The following PREX2 variants were observed in gnomAD, a reference collection of about 807,000 sequenced individuals.
PREX2 encodes the protein phosphatidylinositol 3,4,5-trisphosphate-dependent Rac exchanger 2 protein.
Under a neutral mutation model 203.2 loss-of-function variants are expected in PREX2, and 107 were observed. The observed-to-expected ratio is 0.53, with a 90% CI of 0.45 to 0.62. The LOEUF is 0.62. Among genes scored for constraint, PREX2 ranks in the 20% least tolerant of loss-of-function variants. The pLI, the probability that PREX2 is intolerant of heterozygous loss-of-function variation, is 0.00. For synonymous variants in PREX2, 672 were observed against 663.6 expected (o/e 1.01, Z -0.19); for missense variants, 1,777 against 1,955.9 (o/e 0.91, Z 1.72).
chr8:68,096,101 A>G (rs527758064), intron 21 of PREX2, among the ~76,000 whole-genome samples: 12 of 152,314 alleles, frequency 7.9e-5, no homozygotes, highest in South Asian at 4.1e-4. Context: ...TAAGGTTGTT[A>G]TGGTAATACA....
chr8:68,127,275 A>C (rs1030283434), intron 30 of PREX2, 103 bp from the exon 31 acceptor site: 1 of 860,706 alleles, frequency 1.2e-6, no homozygotes, highest in African/African-American at 1.7e-5. Context: ...TTTTGCATGA[A>C]CCTAGTCCAA....
chr8:68,056,070 C>T, intron 10 of PREX2, 96 bp downstream of exon 10: 3 of 1,294,392 alleles, frequency 2.3e-6, no homozygotes, highest in Non-Finnish European at 2.1e-6. Context: ...AAAATATTCC[C>T]TTAGGCACTT....
chr8:68,089,314 A>C (rs1809796140), intron 19 of PREX2, among the ~76,000 whole-genome samples: 1 of 152,076 alleles, frequency 6.6e-6, no homozygotes, highest in African/African-American at 2.4e-5. Context: ...GTCCTTGATC[A>C]GTTTTTTTTG....
chr8:68,072,874 T>A (rs1809239916), intron 14 of PREX2, among the ~76,000 whole-genome samples: 1 of 152,152 alleles, frequency 6.6e-6, no homozygotes, highest in Admixed American at 6.5e-5. Context: ...ACTAAAATAT[T>A]TTTATGTTTT....
At chr8:68,083,157 CTT>C (rs1249759665) in intron 17 of PREX2, 81 bp from the exon 18 acceptor site, 4 of 1,027,052 alleles carry the variant, frequency 3.9e-6, no homozygotes, top group East Asian at 2.6e-5. Context: ...AGCTCTGAAA[CTT>C]TTCATATTCC....
At position 68,055,970 on chromosome 8, in the gene PREX2, G is replaced by T; in HGVS notation, c.1234G>T (p.Gly412Ter). The T allele has an allele frequency of 6.2e-7, 1 of 1,609,924 alleles. No homozygotes were observed. The highest frequency in any genetic ancestry group is 1.1e-5 in the South Asian group (1 of 89,880). The change falls in exon 10 of 40, where the codon GGA (glycine) becomes TGA (stop). Residue 412 changes from glycine to a stop codon, truncating the protein, a stop_gained. Coordinates refer to ENST00000288368, the MANE Select transcript of PREX2 (RefSeq NM_024870.4). LOFTEE classifies it high-confidence loss of function. ...KLTTFPKCFLGSEFVSWLLEI... is the reference protein window; with the variant it reads ...KLTTFPKCFL ...GACTACGTTCCCTAAATGCTTTCTT[G>T]GAAGGTAGGGTTGGGAGTTTGGGTG...
chr8:67,952,465 G>T lies in PREX2; in HGVS notation c.71G>T (p.Arg24Leu). The T allele has an allele frequency of 6.2e-7, 1 of 1,602,748 alleles. No individual in the cohort carries two copies. The highest frequency in any genetic ancestry group is 8.5e-7 in the Non-Finnish European group (1 of 1,175,008). The change falls in exon 1 of 40, where the codon CGC becomes CTC. Residue 24 changes from arginine to leucine, a missense_variant. Physicochemically the swap from Arg to Leu is moderately radical, Grantham distance 102. Coordinates refer to ENST00000288368, the MANE Select transcript of PREX2 (RefSeq NM_024870.4). ...AKDLEKQLRL[R>L]VCVLSELQKT... ...GACCTGGAGAAGCAGCTTCGCCTGCGCGTGTGCGTGCTCAGCGAGCTCCAG... is the reference window on the plus strand; with the variant it reads ...GACCTGGAGAAGCAGCTTCGCCTGCTCGTGTGCGTGCTCAGCGAGCTCCAG...
chr8:68,015,964 T>G (rs1056685515), intron 1 of PREX2, among the ~76,000 whole-genome samples: 1 of 152,144 alleles, frequency 6.6e-6, no homozygotes, highest in Non-Finnish European at 1.5e-5. Context: ...TGTTGAAGAG[T>G]TGAGGCTATT....
rs904697165 is a variant in PREX2 at position 68,105,480 on chromosome 8, G to A, written c.2716-2629G>A. ...TTTGTATTGAGCTACAAGTTGGAAA[G>A]CCAGTCCCCCTAGCAAGAGAATCTT... On this transcript the variant is annotated intron_variant, in intron 23 of 39. Coordinates refer to ENST00000288368, the MANE Select transcript of PREX2 (RefSeq NM_024870.4). The A allele has an allele frequency of 9.6e-6, 11 of 1,150,540 alleles. No homozygotes were observed. In the Admixed American group the frequency reaches 3.9e-4, roughly 41 times the overall value. 71.3% of individuals were successfully genotyped at this position (1,150,540 alleles called of 1,614,324 possible). A position where few individuals can be genotyped will look rare whatever the true frequency, so the allele number is the denominator to read the frequency against.
intron 37 of PREX2, among the ~76,000 whole-genome samples, chr8:68,214,671 GAT>G (rs1812799904): frequency 6.6e-6 from 1 of 152,182 alleles, no homozygotes; most frequent in South Asian, 2.1e-4. Context: ...TTCAAATTGA[GAT>G]AGTTGGGAGA....
intron 34 of PREX2, among the ~76,000 whole-genome samples, chr8:68,152,186 G>C (rs1040789040): frequency 1.3e-5 from 2 of 149,752 alleles, no homozygotes; most frequent in East Asian, 2.0e-4. Flanking sequence ...CTACTGGGGA[G>C]GCTGAGGCAG....
rs200593616 is a variant in PREX2, at chr8:68,224,518, T to C, written c.4708-41T>C. The C allele has an allele frequency of 5.4e-4, 797 of 1,478,110 alleles. 1 individual carries two copies. Among genetic ancestry groups the C allele is most frequent in the Non-Finnish European group, 6.8e-4 (714 of 1,056,390 alleles). The allele number at this position is 1,478,110 out of a possible 1,614,324, so 91.6% of individuals were successfully genotyped here. Reference sequence around the variant, plus strand: ...TGTTAATGGTATGTTAAATTATTACTAACACACTGTAGGGATAAAAGTGAT... The same window carrying C: ...TGTTAATGGTATGTTAAATTATTACCAACACACTGTAGGGATAAAAGTGAT... On this transcript the variant is annotated intron_variant, in intron 38 of 39. Coordinates refer to ENST00000288368, the MANE Select transcript of PREX2 (RefSeq NM_024870.4).
At chr8:68,008,626 C>T (rs989279527) in intron 1 of PREX2, among the ~76,000 whole-genome samples, 1 of 152,110 alleles carries the variant, frequency 6.6e-6, no homozygotes, top group Non-Finnish European at 1.5e-5. Context: ...GTGTCCCCAC[C>T]CAAACCTCAT....
chr8:68,092,708 T>C (rs1048408542), intron 20 of PREX2, among the ~76,000 whole-genome samples: 45 of 152,238 alleles, frequency 3.0e-4, no homozygotes, highest in African/African-American at 9.6e-5. Context: ...GATTCTAAAA[T>C]AGCAGTAAAT....
At chr8:67,990,124 TACAGGCATGC>T (rs1396912066) in intron 1 of PREX2, among the ~76,000 whole-genome samples, 1 of 152,156 alleles carries the variant, frequency 6.6e-6, no homozygotes, top group Non-Finnish European at 1.5e-5. Context: ...TAGCTGGGAT[TACAGGCATGC>T]ACCACCACAC....
chr8:68,137,137 C>T (rs933520664), intron 32 of PREX2, among the ~76,000 whole-genome samples: 1 of 152,110 alleles, frequency 6.6e-6, no homozygotes, highest in African/African-American at 2.4e-5. Flanking sequence ...AACTCCTGAC[C>T]TCAGGTGATC....
intron 6 of PREX2, among the ~76,000 whole-genome samples, chr8:68,034,358 G>T (rs6998242): frequency 0.088 from 13,435 of 152,090 alleles, 1,762 homozygotes; most frequent in African/African-American, 0.29. Context: ...ACAGGATCAT[G>T]CTCTGTCTGT....
intron 37 of PREX2, among the ~76,000 whole-genome samples, chr8:68,194,329 G>A (rs759166301): frequency 2.0e-5 from 3 of 152,118 alleles, no homozygotes; most frequent in Non-Finnish European, 4.4e-5. Flanking sequence ...ATGTAATGTG[G>A]CAAGTGGAAT....
At chr8:68,076,379 C>A (rs1375072936) in intron 14 of PREX2, among the ~76,000 whole-genome samples, 1 of 151,968 alleles carries the variant, frequency 6.6e-6, no homozygotes, top group Admixed American at 6.6e-5. Flanking sequence ...ATCGCTTGAA[C>A]CAGGGAGGCG....
Sources: gnomAD v4.1 joint callset for allele counts (sites outside exome capture counted in the v4.1 genomes callset) on GRCh38, gnomAD v4.1.1 for gene constraint, MANE v1.5 for transcripts, NCBI Gene and HGNC (gene_info 2026-07-23, HGNC 2026-07-21) for gene names.